The following KLHDC10 variants were observed in gnomAD, a reference collection of about 807,000 sequenced individuals.
KLHDC10 encodes kelch domain containing 10.
KLHDC10 carries 24 observed loss-of-function variants against 56.1 expected under a neutral mutation model. That is an observed-to-expected ratio of 0.43 (90% CI 0.31 to 0.60). The LOEUF (loss-of-function observed/expected upper bound fraction) is 0.60. Ranked by LOEUF, KLHDC10 falls within the 20% of genes least tolerant of loss-of-function variation. The pLI is 0.11. For missense variants in KLHDC10, 349 were observed against 567.0 expected, an observed-to-expected ratio of 0.62 and a Z score of 3.91; for synonymous variants, 188 against 207.1, an observed-to-expected ratio of 0.91 and a Z score of 0.79.
intron 2 of KLHDC10, among the ~76,000 whole-genome samples, chr7:130,097,524 AG>A (rs1795866102): frequency 6.6e-6 from 1 of 152,272 alleles, no homozygotes; most frequent in African/African-American, 2.4e-5. Flanking sequence ...CTAGAAAAAT[AG>A]GTAAAAGGAT....
intron 1 of KLHDC10, among the ~76,000 whole-genome samples, chr7:130,085,687 C>CA (rs60354565): frequency 0.12 from 18,358 of 150,574 alleles, 1,303 homozygotes; most frequent in East Asian, 0.32. Context: ...ATACAAAAAA[C>CA]GCCGGGCGTG....
chr7:130,121,651 A>G (rs897553172), intron 4 of KLHDC10, among the ~76,000 whole-genome samples: 1 of 152,238 alleles, frequency 6.6e-6, no homozygotes, highest in Non-Finnish European at 1.5e-5. Context: ...TTGAACTGCT[A>G]ACTAGGGTTT....
rs1490208999 is a variant in KLHDC10, at chr7:130,130,177, G to A, written c.1120-360G>A. Among the ~76,000 whole-genome samples the A allele has an allele frequency of 1.3e-5, 2 of 151,808 alleles. No homozygotes were observed. Among genetic ancestry groups the A allele is most frequent in the East Asian group, 1.9e-4 (1 of 5,170 alleles). On this transcript the variant is annotated intron_variant, in intron 9 of 9. Coordinates refer to ENST00000335420, the MANE Select transcript of KLHDC10 (RefSeq NM_014997.4). This position sits in a 1 kb window ranked among gnomAD's most constrained non-coding sequence, Gnocchi z 4.2. ...CTAAAAATACAAAAAAAAATTAGCCGGACGTGGTGGCGCGTGCCTGTATTC... is the reference window on the plus strand; with the variant it reads ...CTAAAAATACAAAAAAAAATTAGCCAGACGTGGTGGCGCGTGCCTGTATTC...
intron 4 of KLHDC10, 117 bp from the exon 5 acceptor site, chr7:130,121,937 T>G: frequency 1.2e-6 from 1 of 849,198 alleles, no homozygotes; most frequent in Non-Finnish European, 1.8e-6. Flanking sequence ...TCTGATACAT[T>G]AAAAGATTAA....
rs1166560988 is a variant in KLHDC10, at chr7:130,130,366, A to G, written c.1120-171A>G. 1.3e-5 allele frequency among the ~76,000 whole-genome samples: 2 copies of G among 148,472 alleles called. No individual in the cohort carries two copies. Among genetic ancestry groups the G allele is most frequent in the Non-Finnish European group, 3.0e-5 (2 of 67,412 alleles). On this transcript the variant is annotated intron_variant, in intron 9 of 9. Transcript: ENST00000335420. This position sits in a 1 kb window ranked among gnomAD's most constrained non-coding sequence, Gnocchi z 4.2. ...TATATATATATATAGTTTTTCCCTT[A>G]GTAATTCATTAATTATTTAAACCCT...
intron 7 of KLHDC10, 133 bp downstream of exon 7, chr7:130,126,064 C>T (rs567310757): frequency 5.1e-5 from 34 of 665,406 alleles, no homozygotes; most frequent in African/African-American, 4.9e-4. Flanking sequence ...CATTGTCTCA[C>T]GCCTATAATC....
At chr7:130,076,227 G>A (rs1795500938) in intron 1 of KLHDC10, among the ~76,000 whole-genome samples, 3 of 152,018 alleles carry the variant, frequency 2.0e-5, no homozygotes, top group Admixed American at 2.0e-4. Flanking sequence ...TGGCGGGAAT[G>A]CTCACTCGCC....
chr7:130,094,656 C>T (rs1320583375), intron 1 of KLHDC10, among the ~76,000 whole-genome samples: 2 of 151,866 alleles, frequency 1.3e-5, no homozygotes, highest in African/African-American at 4.8e-5. Flanking sequence ...CTATTTTGTA[C>T]ATTGTATTTT....
At chr7:130,113,290 G>A (rs1346972738) in intron 2 of KLHDC10, among the ~76,000 whole-genome samples, 2 of 151,720 alleles carry the variant, frequency 1.3e-5, no homozygotes, top group Non-Finnish European at 2.9e-5. Context: ...CCAGCACCTA[G>A]CACAGTACAT....
Position 130,120,856 on chromosome 7 carries a change from G to C in KLHDC10, c.583G>C (p.Ala195Pro). Residue 195 changes from alanine (A) to proline (P), a missense_variant, in exon 4 of 10, where the codon GCT (alanine) becomes CCT (proline). Transcript: ENST00000335420. This position sits in a 1 kb window ranked among gnomAD's most constrained non-coding sequence, Gnocchi z 5.1. ...GTGTAATGTGAAGTATAAGAGATGG[G>C]CTTTGCTCAGCTGTCGGGGGAAGAA... is the stretch of plus-strand genomic sequence containing the variant. Reference protein sequence around the residue: ...HVCNVKYKRWALLSCRGKKPS... With the variant: ...HVCNVKYKRWPLLSCRGKKPS... 6.2e-7 allele frequency: 1 copy of C among 1,614,130 alleles called. No homozygotes were observed. The highest frequency in any genetic ancestry group is 8.5e-7 in the Non-Finnish European group (1 of 1,180,012).
In KLHDC10 at chr7:130,131,042, T is replaced by C. The variant is rs1395910049; in HGVS notation, c.*296T>C. 6.9e-6 allele frequency: 2 copies of C among 291,130 alleles called. No homozygotes were observed. The highest frequency in any genetic ancestry group is 6.2e-5 in the East Asian group (1 of 16,150). The allele number at this position is 291,130 out of a possible 1,614,324, so 18.0% of individuals were successfully genotyped here. A position where few individuals can be genotyped will look rare whatever the true frequency, so the allele number is the denominator to read the frequency against. On this transcript the variant is annotated 3_prime_UTR_variant, in exon 10 of 10. Coordinates refer to ENST00000335420, the MANE Select transcript of KLHDC10 (RefSeq NM_014997.4). ...AAGCCTGAAAGTACCTTAATAATGT[T>C]ATTAATCAAGACAGATTCCTTTTTA...
intron 2 of KLHDC10, among the ~76,000 whole-genome samples, chr7:130,112,521 G>A (rs1307460311): frequency 1.3e-5 from 2 of 152,170 alleles, no homozygotes; most frequent in Non-Finnish European, 2.9e-5. Flanking sequence ...TAGGAAAATG[G>A]GATTTGCAGA....
At chr7:130,071,621 A>G (rs1035113838) in intron 1 of KLHDC10, among the ~76,000 whole-genome samples, 1 of 152,232 alleles carries the variant, frequency 6.6e-6, no homozygotes, top group Non-Finnish European at 1.5e-5. Flanking sequence ...TTTGTAATTG[A>G]ATATTCAATC....
intron 2 of KLHDC10, among the ~76,000 whole-genome samples, chr7:130,108,210 A>G (rs1232783939): frequency 1.3e-5 from 2 of 151,974 alleles, no homozygotes; most frequent in African/African-American, 2.4e-5. Flanking sequence ...CCTGGGCGAC[A>G]GAGCGAGACT....
At chr7:130,119,512 TCAAA>T (rs774188799) in intron 3 of KLHDC10, among the ~76,000 whole-genome samples, 6 of 118,422 alleles carry the variant, frequency 5.1e-5, no homozygotes, top group African/African-American at 2.1e-4. Context: ...ACCCTGCCTT[TCAAA>T]CAAACAAACA....
chr7:130,100,366 T>C (rs1187991249), intron 2 of KLHDC10, among the ~76,000 whole-genome samples: 2 of 152,168 alleles, frequency 1.3e-5, no homozygotes, highest in Non-Finnish European at 2.9e-5. Flanking sequence ...TGAATTGTAG[T>C]TGTTTACTTG....
rs1446254013 is a variant in KLHDC10, at chr7:130,130,135, AT to A, written c.1120-401del. Among the ~76,000 whole-genome samples, 2 of 148,822 alleles carry A rather than the reference AT, an allele frequency of 1.3e-5. No individual in the cohort carries two copies. The highest frequency in any genetic ancestry group is 2.4e-5 in the African/African-American group (1 of 40,982). On this transcript the variant is annotated intron_variant, in intron 9 of 9. Coordinates refer to ENST00000335420, the MANE Select transcript of KLHDC10 (RefSeq NM_014997.4). This position sits in a 1 kb window ranked among gnomAD's most constrained non-coding sequence, Gnocchi z 4.2. ...ATTGAGACCATCCTGGCTAACACGG[AT>A]GAAACCCCATCTCTACTAAAAATAC...
intron 2 of KLHDC10, among the ~76,000 whole-genome samples, chr7:130,104,826 A>G (rs1328442995): frequency 1.3e-5 from 2 of 152,230 alleles, no homozygotes; most frequent in East Asian, 1.9e-4. Flanking sequence ...CCAAGGAGGT[A>G]TGGTGCTAAA....
chr7:130,110,240 T>C (rs1483857558), intron 2 of KLHDC10, among the ~76,000 whole-genome samples: 1 of 152,242 alleles, frequency 6.6e-6, no homozygotes, highest in Non-Finnish European at 1.5e-5. Context: ...ATGTTAATTT[T>C]GATCACCTGG....
Sources: gnomAD v4.1 joint callset for allele counts (sites outside exome capture counted in the v4.1 genomes callset) on GRCh38, gnomAD v4.1.1 for gene constraint, Gnocchi (gnomAD v3.1) non-coding constraint, MANE v1.5 for transcripts, NCBI Gene and HGNC (gene_info 2026-07-23, HGNC 2026-07-21) for gene names.